SPTBN5: variants seen among roughly 807,000 people sequenced by gnomAD.
SPTBN5 encodes spectrin beta, non-erythrocytic 5.
In SPTBN5, 513 loss-of-function variants were observed where a neutral mutation model predicts 477.6. That is an observed-to-expected ratio of 1.07 (90% CI 1.00 to 1.16). SPTBN5 has a LOEUF of 1.16. Ranked by LOEUF, SPTBN5 falls within the 50% of genes most tolerant of loss-of-function variation. SPTBN5 has a pLI of 0.00. For synonymous variants in SPTBN5, 2,169 were observed against 2,011.7 expected, an observed-to-expected ratio of 1.08 and a Z score of -2.09; for missense variants, 5,062 against 4,731.8, an observed-to-expected ratio of 1.07 and a Z score of -2.05.
chr15:41,849,328 T>TC (rs1438141348), intron 67 of SPTBN5, among the ~76,000 whole-genome samples: 2 of 152,122 alleles, frequency 1.3e-5, no homozygotes, highest in African/African-American at 4.8e-5. Context: ...TCGCATCTCC[T>TC]CCCTGGCCTG....
intron 56 of SPTBN5, 41 bp downstream of exon 56, chr15:41,854,741 C>T (rs748614648): frequency 3.8e-5 from 56 of 1,461,834 alleles, no homozygotes; most frequent in Admixed American, 5.0e-5. Context: ...TTTTTGAAGA[C>T]TCTGACACCC....
In SPTBN5 at chr15:41,855,609, G is replaced by A. The variant is rs769428545; in HGVS notation, c.9158C>T (p.Pro3053Leu). The change falls in exon 54 of 68, where the codon CCA becomes CTA. Residue 3053 changes from proline to leucine, a missense_variant. Pro to Leu is a moderately conservative substitution (Grantham distance 98). Coordinates refer to ENST00000320955, the MANE Select transcript of SPTBN5 (RefSeq NM_016642.4). ...ATKRDLEAFS[P>L]RIERLQQTAA... is the part of the protein sequence containing the mutation. ...TGTCTGCTGCAGCCGCTCGATGCGT[G>A]GGCTGAACGCTTCCAGGTCTCTCTT... is the stretch of plus-strand genomic sequence containing the variant. 1.9e-6 allele frequency: 3 copies of A among 1,611,330 alleles called. No individual in the cohort carries two copies. Among genetic ancestry groups the A allele is most frequent in the Middle Eastern group, 1.6e-4 (1 of 6,084 alleles).
chr15:41,862,187 G>A lies in SPTBN5; in HGVS notation c.7491C>T (p.Pro2497=), dbSNP rs374130820. The A allele has an allele frequency of 2.5e-5, 41 of 1,608,976 alleles. No homozygotes were observed. The highest frequency in any genetic ancestry group is 1.7e-4 in the Middle Eastern group (1 of 6,048). ...GGGCTTCCACAGGGCTGCGAGGAGC[G>A]GGGCTCGTGTCCATCTGAGCCCGCA... is the stretch of plus-strand genomic sequence containing the variant. ...QRLRAQMDTS[P]APRSPVEARR... Residue 2497 remains proline (P), a synonymous_variant, in exon 44 of 68, where the codon CCC becomes CCT. Transcript: ENST00000320955.
rs1404285438 is a variant in SPTBN5 at position 41,852,887 on chromosome 15, C to T, written c.10284G>A (p.Arg3428=). Residue 3428 remains arginine, a synonymous_variant, in exon 60 of 68, where the codon AGG becomes AGA. Coordinates refer to ENST00000320955, the MANE Select transcript of SPTBN5 (RefSeq NM_016642.4). ...CCAGCCAGGCCTCAGCCTGCTCCAG[C>T]CTCTGCCGAAGCTTCTGCAGGCCCC... ...ESWGLQKLRQ[R]LEQAEAWLAC... 2 of 1,608,982 alleles carry T rather than the reference C, an allele frequency of 1.2e-6. No homozygotes were observed. The highest frequency in any genetic ancestry group is 1.3e-5 in the African/African-American group (1 of 75,034).
At position 41,861,491 on chromosome 15, in the gene SPTBN5, A is replaced by C. The variant is rs2066106451; in HGVS notation, c.7743T>G (p.Phe2581Leu). The change falls in exon 46 of 68, where the codon TTT becomes TTG. Residue 2581 changes from phenylalanine to leucine, a missense_variant. Phe to Leu is a conservative substitution (Grantham distance 22). Transcript: ENST00000320955. ...GTTCCATCTTCTCCACTGAGCTCAG[A>C]AACAGCTGAGAACAAAGGAAAAGGC... ...QLQQALELQLFLSSVEKMERW... is the reference protein window; with the variant it reads ...QLQQALELQLLLSSVEKMERW... 1 of 1,613,374 alleles carries C rather than the reference A, an allele frequency of 6.2e-7. No individual in the cohort carries two copies. The highest frequency in any genetic ancestry group is 8.5e-7 in the Non-Finnish European group (1 of 1,179,874).
chr15:41,862,452 C>A, intron 43 of SPTBN5, 87 bp downstream of exon 43: 1 of 1,531,110 alleles, frequency 6.5e-7, no homozygotes, highest in Non-Finnish European at 8.8e-7. Context: ...GAGAAGGAAT[C>A]CTAGGGGAAC....
At chr15:41,850,194 C>A (rs1008710) in intron 66 of SPTBN5, 3 of 530,502 alleles carry the variant, frequency 5.7e-6, no homozygotes, top group African/African-American at 3.8e-5. Context: ...AAGGCTGAGC[C>A]TTTCTTAGGA....
intron 63 of SPTBN5, 95 bp from the exon 64 acceptor site, chr15:41,851,464 G>A: frequency 2.1e-6 from 2 of 934,712 alleles, no homozygotes; most frequent in Non-Finnish European, 3.2e-6. Context: ...AGCTTCCCAG[G>A]AAAAGCGGTG....
chr15:41,867,045 T>C lies in SPTBN5; in HGVS notation c.6394A>G (p.Met2132Val). ...CTCTCCGCCAGCTCCTTCACTCTCATCCGGCGCTGCAGCAGGATGGGAAGC... is the reference window on the plus strand; with the variant it reads ...CTCTCCGCCAGCTCCTTCACTCTCACCCGGCGCTGCAGCAGGATGGGAAGC... ...DRLPILLQRR[M>V]RVKELAESRG... is the part of the protein sequence containing the mutation. Residue 2132 changes from methionine (M) to valine (V), a missense_variant, in exon 36 of 68, where the codon ATG (methionine) becomes GTG (valine). Transcript: ENST00000320955. The C allele has an allele frequency of 6.4e-7, 1 of 1,552,794 alleles. No homozygotes were observed. Among genetic ancestry groups the C allele is most frequent in the East Asian group, 2.4e-5 (1 of 41,164 alleles).
intron 63 of SPTBN5, among the ~76,000 whole-genome samples, 198 bp downstream of exon 63, chr15:41,851,581 T>TGGCGGGGGG (rs138547502): frequency 8.3e-6 from 1 of 120,016 alleles, no homozygotes; most frequent in Non-Finnish European, 1.7e-5. Context: ...CAGCACCTCC[T>TGGCGGGGGG]GGTGGGGGTG....
chr15:41,888,218 C>G, intron 4 of SPTBN5, 133 bp from the exon 5 acceptor site: 1 of 862,250 alleles, frequency 1.2e-6, no homozygotes, highest in East Asian at 2.7e-5. Context: ...TGTGACTCTC[C>G]TCTCTTCAGA....
chr15:41,852,189 T>G lies in SPTBN5; in HGVS notation c.10577A>C (p.Asp3526Ala), dbSNP rs1254394574. Residue 3526 changes from aspartate to alanine, a missense_variant, in exon 62 of 68, where the codon GAC becomes GCC. Physicochemically the swap from Asp to Ala is moderately radical, Grantham distance 126 (BLOSUM62 -2). Transcript: ENST00000320955. ...CCCCATAGGGACACCTGCCTGGGGGTCCCTCGTCTCAGCCAGCTGTGCTCC... is the reference window on the plus strand; with the variant it reads ...CCCCATAGGGACACCTGCCTGGGGGGCCCTCGTCTCAGCCAGCTGTGCTCC... ...GLGAQLAETR[D>A]PQDAKGTPTM... The G allele has an allele frequency of 4.4e-6, 7 of 1,589,838 alleles. No homozygotes were observed. The highest frequency in any genetic ancestry group is 2.7e-5 in the African/African-American group (2 of 74,132).
In SPTBN5 at chr15:41,848,290, A is replaced by G. The variant is rs1177467230; in HGVS notation, c.*326T>C. ...ACATTCTCTGCACACGTCTGCGTCT[A>G]CCTGTGCTCAGAGTCACCCCTTCCA... On this transcript the variant is annotated 3_prime_UTR_variant, in exon 68 of 68. Transcript: ENST00000320955. 5.8e-6 allele frequency: 3 copies of G among 520,486 alleles called. No individual in the cohort carries two copies. The highest frequency in any genetic ancestry group is 3.4e-5 in the East Asian group (1 of 29,408). 32.2% of individuals were successfully genotyped at this position (520,486 alleles called of 1,614,324 possible). A position where few individuals can be genotyped will look rare whatever the true frequency, so the allele number is the denominator to read the frequency against.
chr15:41,880,133 G>A (rs980244113), intron 14 of SPTBN5, 27 bp downstream of exon 14: 1 of 1,555,970 alleles, frequency 6.4e-7, no homozygotes, highest in Non-Finnish European at 8.7e-7. Flanking sequence ...AAGGCGAGGA[G>A]GAGGTGCCAA....
Position 41,861,776 on chromosome 15 carries a change from G to T in SPTBN5, c.7696C>A (p.Gln2566Lys), listed in dbSNP as rs2066116806. ...QELSSLEGAW[Q>K]EHQLQLQQAL... Reference sequence around the variant, plus strand: ...TGCTGCAGCTGTAGCTGATGCTCCTGCCAGGCCCCTTCCAGGCTGCTCAGC... The same window carrying T: ...TGCTGCAGCTGTAGCTGATGCTCCTTCCAGGCCCCTTCCAGGCTGCTCAGC... Residue 2566 changes from glutamine (Q) to lysine (K), a missense_variant, in exon 45 of 68, where the codon CAG (glutamine) becomes AAG (lysine). By Grantham distance (53) the Gln-to-Lys change is moderately conservative. Coordinates refer to ENST00000320955, the MANE Select transcript of SPTBN5 (RefSeq NM_016642.4). 1 of 1,557,862 alleles carries T rather than the reference G, an allele frequency of 6.4e-7. No individual in the cohort carries two copies. Among genetic ancestry groups the T allele is most frequent in the South Asian group, 1.2e-5 (1 of 85,240 alleles).
Position 41,851,108 on chromosome 15 carries a change from A to G in SPTBN5, c.10786T>C (p.Cys3596Arg), listed in dbSNP as rs1331191733. Residue 3596 changes from cysteine (C) to arginine (R), a missense_variant, in exon 65 of 68, where the codon TGT (cysteine) becomes CGT (arginine). Coordinates refer to ENST00000320955, the MANE Select transcript of SPTBN5 (RefSeq NM_016642.4). The stretch of plus-strand genomic sequence containing the variant: ...CCGTGGCGGCCCCGCAGCCTCTCAC[A>G]CCGGGCTCCCGTGAGGTCAAGGAGG... ...IALLDLTGAR[C>R]ERLRGRHGRK... 2 of 1,613,254 alleles carry G rather than the reference A, an allele frequency of 1.2e-6. No homozygotes were observed. The highest frequency in any genetic ancestry group is 2.2e-5 in the East Asian group (1 of 44,872).
At position 41,857,040 on chromosome 15, in the gene SPTBN5, C is replaced by T. The variant is rs2065946174; in HGVS notation, c.8622-1G>A. The T allele has an allele frequency of 6.2e-7, 1 of 1,600,278 alleles. No individual in the cohort carries two copies. The highest frequency in any genetic ancestry group is 1.3e-5 in the African/African-American group (1 of 74,836). On this transcript the variant is annotated splice_acceptor_variant, in intron 51 of 67. Transcript: ENST00000320955. LOFTEE classifies it high-confidence loss of function. The stretch of plus-strand genomic sequence containing the variant: ...CAGGGGCTCCCTCAGGCTCTTGAAC[C>T]TGCAGCGGTGGAGGGTGGGACCAAG...
In SPTBN5 at chr15:41,870,282, G is replaced by A. The variant is rs1280514350; in HGVS notation, c.5634C>T (p.His1878=). The A allele has an allele frequency of 1.9e-6, 3 of 1,554,258 alleles. No homozygotes were observed. Among genetic ancestry groups the A allele is most frequent in the South Asian group, 2.4e-5 (2 of 84,264 alleles). The part of the protein sequence containing the change: ...LCGLEAQLRS[H]QGLERELVGT... ...CCACGAGTTCTCGCTCCAGCCCCTG[G>A]TGGCTTCTCAGCTGCGCCTCCAGCC... is the stretch of plus-strand genomic sequence containing the variant. The change falls in exon 31 of 68, where the codon CAC becomes CAT. Residue 1878 remains histidine, a synonymous_variant. Transcript: ENST00000320955.
intron 23 of SPTBN5, 23 bp downstream of exon 23, chr15:41,874,819 G>A (rs907424264): frequency 1.9e-6 from 3 of 1,589,782 alleles, no homozygotes; most frequent in Non-Finnish European, 2.6e-6. Context: ...TGACACACAG[G>A]TGGGTGGGAG....
Sources: gnomAD v4.1 joint callset for allele counts (sites outside exome capture counted in the v4.1 genomes callset) on GRCh38, gnomAD v4.1.1 for gene constraint, MANE v1.5 for transcripts, NCBI Gene and HGNC (gene_info 2026-07-23, HGNC 2026-07-21) for gene names.